Variants in CHD1 observed in about 807,000 individuals in gnomAD.
The protein encoded by CHD1 is chromodomain helicase DNA binding protein 1, also known as ATP-dependent chromatin remodeler CHD1.
In CHD1, 36 loss-of-function variants were observed where a neutral mutation model predicts 224.2. The observed-to-expected ratio is 0.16, with a 90% CI of 0.12 to 0.21. The LOEUF (loss-of-function observed/expected upper bound fraction) is 0.21. CHD1 is among the 10% of genes least tolerant of loss of function. The probability of loss-of-function intolerance (pLI) is 1.00; values close to 1 mark genes in which losing one functional copy is unlikely to be tolerated. For missense variants in CHD1, 1,378 were observed against 1,994.8 expected (o/e 0.69, Z 5.89); for synonymous variants, 668 against 658.3 (o/e 1.01, Z -0.23).
chr5:98,884,688 G>A (rs985128539), intron 18 of CHD1, among the ~76,000 whole-genome samples: 8 of 151,320 alleles, frequency 5.3e-5, no homozygotes, highest in African/African-American at 1.9e-4. Context: ...AAGGAAAGTG[G>A]GCTACTTTGT....
rs1046122336 is a variant in CHD1, at chr5:98,872,364, T to G, written c.3710+53A>C. The G allele has an allele frequency of 5.1e-6, 8 of 1,555,390 alleles. No individual in the cohort carries two copies. In the African/African-American group the frequency reaches 1.1e-4, roughly 21 times the overall value. Reference sequence around the variant, plus strand: ...CACCATAAAAATTCAGCACATTCATTTTGCAATTATTGAATAACAAAAATC... The same window carrying G: ...CACCATAAAAATTCAGCACATTCATGTTGCAATTATTGAATAACAAAAATC... On this transcript the variant is annotated intron_variant, in intron 27 of 35. Transcript: ENST00000614616.
chr5:98,883,806 C>T, intron 18 of CHD1: 1 of 168,192 alleles, frequency 5.9e-6, no homozygotes, highest in Non-Finnish European at 1.1e-5. Context: ...TTGCAGCAAC[C>T]TAGATGGGAT....
In CHD1 at chr5:98,856,203, T is replaced by C; in HGVS notation, c.*177A>G. 1.8e-6 allele frequency: 1 copy of C among 567,166 alleles called. No individual in the cohort carries two copies. Among genetic ancestry groups the C allele is most frequent in the Non-Finnish European group, 3.2e-6 (1 of 317,196 alleles). 35.1% of individuals were successfully genotyped at this position (567,166 alleles called of 1,614,324 possible). On this transcript the variant is annotated 3_prime_UTR_variant, in exon 36 of 36. Coordinates refer to ENST00000614616, the MANE Select transcript of CHD1 (RefSeq NM_001270.4). ...AGTACAGTGCAGCATAATCCTTAAA[T>C]ATAAAAATATTTTCTCTTCTGTTGG...
intron 23 of CHD1, among the ~76,000 whole-genome samples, chr5:98,879,108 C>A (rs779199107): frequency 1.3e-5 from 2 of 152,120 alleles, no homozygotes; most frequent in Non-Finnish European, 2.9e-5. Flanking sequence ...GTGGGACACA[C>A]CTGTAGTCCC....
At position 98,854,812 on chromosome 5, in the gene CHD1, A is replaced by G. The variant is rs936923335; in HGVS notation, c.*1568T>C. ...CACACATAGCAATACTATAGAAATT[A>G]TGTCCACATACTTATATTCGTCAAA... On this transcript the variant is annotated 3_prime_UTR_variant, in exon 36 of 36. Transcript: ENST00000614616. 2 of 152,204 alleles carry G rather than the reference A, an allele frequency of 1.3e-5. No individual in the cohort carries two copies. Among genetic ancestry groups the G allele is most frequent in the Admixed American group, 1.3e-4 (2 of 15,276 alleles). 9.4% of individuals were successfully genotyped at this position (152,204 alleles called of 1,614,324 possible).
chr5:98,872,869 T>C (rs1299578930), intron 26 of CHD1, among the ~76,000 whole-genome samples: 1 of 152,198 alleles, frequency 6.6e-6, no homozygotes, highest in Non-Finnish European at 1.5e-5. Flanking sequence ...TCGCCCAGGC[T>C]GGAAGTGCAG....
chr5:98,917,963 C>T (rs1390569939), intron 2 of CHD1, among the ~76,000 whole-genome samples: 1 of 152,190 alleles, frequency 6.6e-6, no homozygotes, highest in Non-Finnish European at 1.5e-5. Context: ...GTGGTTCCAA[C>T]CCATTCACGT....
At chr5:98,858,126 G>T in intron 35 of CHD1, 54 bp downstream of exon 35, 1 of 1,390,682 alleles carries the variant, frequency 7.2e-7, no homozygotes, top group Non-Finnish European at 1.0e-6. Flanking sequence ...GGAACATCAT[G>T]ATAAGGAGAA....
intron 4 of CHD1, among the ~76,000 whole-genome samples, 174 bp from the exon 5 acceptor site, chr5:98,903,138 G>A (rs144559932): frequency 9.9e-5 from 15 of 152,064 alleles, no homozygotes; most frequent in Non-Finnish European, 1.8e-4. Flanking sequence ...CATTTTTATT[G>A]CAAATTAATA....
intron 32 of CHD1, among the ~76,000 whole-genome samples, chr5:98,861,163 C>G (rs1419374421): frequency 6.6e-6 from 1 of 152,128 alleles, no homozygotes; most frequent in Non-Finnish European, 1.5e-5. Flanking sequence ...CAGTTCAGGT[C>G]CTAGGTGTTT....
chr5:98,868,350 A>AAAAAAAAAT, intron 31 of CHD1, 145 bp downstream of exon 31: 1 of 651,644 alleles, frequency 1.5e-6, no homozygotes, highest in Non-Finnish European at 2.3e-6. Context: ...AAAAAAAAAA[A>AAAAAAAAAT]AGACACCCTT....
At chr5:98,909,530 GATGATGATATGTCTTCCTCCATTAAT>G (rs1752256771) in intron 2 of CHD1, among the ~76,000 whole-genome samples, 1 of 152,078 alleles carries the variant, frequency 6.6e-6, no homozygotes, top group African/African-American at 2.4e-5. Flanking sequence ...AGCAGCCACT[GATGATGATATGTCTTCCTCCATTAAT>G]AAGAGGCAGT....
At chr5:98,891,928 C>T (rs1751047031) in intron 15 of CHD1, among the ~76,000 whole-genome samples, 1 of 152,118 alleles carries the variant, frequency 6.6e-6, no homozygotes, top group South Asian at 2.1e-4. Flanking sequence ...AATAATTATG[C>T]AATTAAGTAT....
Position 98,901,226 on chromosome 5 carries a change from C to T in CHD1, c.547G>A (p.Glu183Lys). 4 of 1,613,470 alleles carry T rather than the reference C, an allele frequency of 2.5e-6. No homozygotes were observed. The highest frequency in any genetic ancestry group is 3.4e-6 in the Non-Finnish European group (4 of 1,179,806). ...CTGCTTTTGACTTTGTTTTTTGGCT[C>T]ATAATCAGATTCTGTTTCATCACAA... is the stretch of plus-strand genomic sequence containing the variant. ...SSCDETESDY[E>K]PKNKVKSRKP... The change falls in exon 6 of 36, where the codon GAG (glutamate) becomes AAG (lysine). Residue 183 changes from glutamate (E) to lysine (K), a missense_variant. This residue lies in a region of CHD1 where 306 missense variants were observed against 298.1 expected (regional missense o/e 1.03). Transcript: ENST00000614616.
Position 98,896,330 on chromosome 5 carries a change from C to A in CHD1, c.1606G>T (p.Val536Leu). ...GAAGTAAGAGTGGAGAGCGGTACTA[C>A]CAATAAAAAAGGTCCATATAATTGA... ...EHQLYGPFLL[V>L]VPLSTLTSWQ... The change falls in exon 12 of 36, where the codon GTA becomes TTA. Residue 536 changes from valine (V) to leucine (L), a missense_variant. Transcript: ENST00000614616. 1 of 1,613,676 alleles carries A rather than the reference C, an allele frequency of 6.2e-7. No homozygotes were observed. The highest frequency in any genetic ancestry group is 8.5e-7 in the Non-Finnish European group (1 of 1,179,752).
chr5:98,913,673 T>G (rs1752562677), intron 2 of CHD1, among the ~76,000 whole-genome samples: 1 of 152,236 alleles, frequency 6.6e-6, no homozygotes, highest in African/African-American at 2.4e-5. Context: ...CTCAGGTTTC[T>G]GCCACATAGA....
At chr5:98,911,914 C>G (rs1752448740) in intron 2 of CHD1, among the ~76,000 whole-genome samples, 2 of 152,110 alleles carry the variant, frequency 1.3e-5, no homozygotes, top group Non-Finnish European at 2.9e-5. Context: ...AGATGATTGA[C>G]CAAACTGGAA....
At chr5:98,893,339 C>T in intron 14 of CHD1, 77 bp downstream of exon 14, 1 of 961,228 alleles carries the variant, frequency 1.0e-6, no homozygotes, top group Non-Finnish European at 1.5e-6. Context: ...AAAACTCTTA[C>T]TGACCTTATT....
intron 15 of CHD1, 48 bp from the exon 16 acceptor site, chr5:98,889,286 G>A (rs143944124): frequency 3.7e-6 from 5 of 1,346,376 alleles, no homozygotes; most frequent in Non-Finnish European, 4.1e-6. Flanking sequence ...ACAATTACCA[G>A]GATAAATTCT....
Sources: allele counts gnomAD v4.1 joint callset (sites outside exome capture counted in the v4.1 genomes callset), GRCh38; gene constraint gnomAD v4.1.1; regional missense constraint gnomAD v4.1.1; transcripts MANE v1.5; gene names NCBI Gene and HGNC (gene_info 2026-07-23, HGNC 2026-07-21).